The following PRKG1 variants were observed in gnomAD, a reference collection of about 807,000 sequenced individuals.
PRKG1 encodes cGMP-dependent protein kinase 1.
In PRKG1, 35 loss-of-function variants were observed where a neutral mutation model predicts 88.1. That is an observed-to-expected ratio of 0.40 (90% CI 0.30 to 0.53). The LOEUF (loss-of-function observed/expected upper bound fraction) is 0.53. Ranked by LOEUF, PRKG1 falls within the 20% of genes least tolerant of loss-of-function variation. The pLI, the probability that PRKG1 is intolerant of heterozygous loss-of-function variation, is 0.59. For missense variants in PRKG1, 540 were observed against 839.8 expected (o/e 0.64, Z 4.41); for synonymous variants, 303 against 292.5 (o/e 1.04, Z -0.37).
At chr10:52,106,755 A>AG (rs1211041339) in intron 7 of PRKG1, among the ~76,000 whole-genome samples, 19 of 148,236 alleles carry the variant, frequency 1.3e-4, no homozygotes, top group African/African-American at 4.7e-4. Context: ...AATAAAGTAA[A>AG]TAAATAAAAA....
At chr10:51,316,032 A>C (rs980060226) in intron 2 of PRKG1, among the ~76,000 whole-genome samples, 13 of 152,238 alleles carry the variant, frequency 8.5e-5, no homozygotes, top group Non-Finnish European at 1.8e-4. Context: ...CAATGAAAAT[A>C]CTAACCAGTA....
rs548922805 is a variant in PRKG1 at position 52,114,753 on chromosome 10, C to T, written c.936-19087C>T. Among the ~76,000 whole-genome samples the T allele has an allele frequency of 2.3e-4, 35 of 152,184 alleles. No homozygotes were observed. In the South Asian group the frequency reaches 6.8e-3, roughly 30 times the overall value. The stretch of plus-strand genomic sequence containing the variant: ...ATAAACTTAAAGTAACAATTTATGG[C>T]TCTTGCTACCTGCCTTCTCAGTGCT... On this transcript the variant is annotated intron_variant, in intron 7 of 17. Coordinates refer to ENST00000373980, the MANE Select transcript of PRKG1 (RefSeq NM_006258.4).
intron 3 of PRKG1, among the ~76,000 whole-genome samples, chr10:51,534,666 C>CAAAAAAAA (rs10626534): frequency 1.7e-5 from 2 of 120,804 alleles, no homozygotes; most frequent in Non-Finnish European, 1.7e-5. Flanking sequence ...GACTCTGTCT[C>CAAAAAAAA]AAAAAAAAAA....
At chr10:51,606,420 A>C (rs10998465) in intron 3 of PRKG1, among the ~76,000 whole-genome samples, 7 of 152,138 alleles carry the variant, frequency 4.6e-5, no homozygotes. Flanking sequence ...TTGCTATAGA[A>C]ATAAATGAGA....
chr10:51,311,888 G>A (rs1841195462), intron 2 of PRKG1, among the ~76,000 whole-genome samples: 2 of 151,876 alleles, frequency 1.3e-5, no homozygotes, highest in African/African-American at 2.4e-5. Context: ...TTTTTTCGTG[G>A]GGGATGGTGT....
intron 2 of PRKG1, among the ~76,000 whole-genome samples, chr10:51,427,658 G>A (rs141097959): frequency 7.7e-4 from 117 of 152,270 alleles, no homozygotes; most frequent in Middle Eastern, 3.4e-3. Context: ...CATCCTTTTA[G>A]GTGCTTACTA....
rs534812926 is a variant in PRKG1 at position 52,106,405 on chromosome 10, G to A, written c.936-27435G>A. Among the ~76,000 whole-genome samples, 34 of 152,158 alleles carry A rather than the reference G, an allele frequency of 2.2e-4. 1 individual carries two copies. The highest frequency in any genetic ancestry group is 6.5e-4 in the Admixed American group (10 of 15,282). On this transcript the variant is annotated intron_variant, in intron 7 of 17. Coordinates refer to ENST00000373980, the MANE Select transcript of PRKG1 (RefSeq NM_006258.4). ...ATATTTGCAAAATCTGTATTTTTACGTACTACCTCTGGCAACCTTTTCCTC... is the reference window on the plus strand; with the variant it reads ...ATATTTGCAAAATCTGTATTTTTACATACTACCTCTGGCAACCTTTTCCTC...
intron 7 of PRKG1, among the ~76,000 whole-genome samples, chr10:52,080,297 G>A (rs1846739080): frequency 6.6e-6 from 1 of 152,018 alleles, no homozygotes; most frequent in Admixed American, 6.6e-5. Context: ...ACTTCTCCAT[G>A]ATGTTTTTTT....
At chr10:51,833,716 T>C (rs1840059991) in intron 4 of PRKG1, among the ~76,000 whole-genome samples, 1 of 152,158 alleles carries the variant, frequency 6.6e-6, no homozygotes, top group Admixed American at 6.6e-5. Flanking sequence ...AAAAATTAAC[T>C]CTTTTAGGTA....
chr10:52,137,116 A>G (rs1469253780), intron 8 of PRKG1, among the ~76,000 whole-genome samples: 4 of 152,106 alleles, frequency 2.6e-5, no homozygotes, highest in Admixed American at 6.6e-5. Flanking sequence ...CACTGTCAAC[A>G]AAAGTAGCTT....
intron 3 of PRKG1, among the ~76,000 whole-genome samples, chr10:51,541,654 A>G (rs1445499063): frequency 6.6e-6 from 1 of 152,158 alleles, no homozygotes; most frequent in African/African-American, 2.4e-5. Flanking sequence ...ATTGCTCAAT[A>G]TTACTTATAT....
At chr10:52,195,089 A>G (rs1398014511) in intron 9 of PRKG1, among the ~76,000 whole-genome samples, 1 of 152,212 alleles carries the variant, frequency 6.6e-6, no homozygotes, top group Non-Finnish European at 1.5e-5. Context: ...AGAAAGAAAT[A>G]GATCACATCA....
At chr10:51,723,518 T>C (rs1444310426) in intron 3 of PRKG1, among the ~76,000 whole-genome samples, 1 of 152,078 alleles carries the variant, frequency 6.6e-6, no homozygotes, top group Non-Finnish European at 1.5e-5. Flanking sequence ...AAATGCCTAA[T>C]ATAGATGAAA....
intron 1 of PRKG1, among the ~76,000 whole-genome samples, chr10:51,129,295 A>G (rs1845506585): frequency 6.6e-6 from 1 of 152,002 alleles, no homozygotes; most frequent in Non-Finnish European, 1.5e-5. Context: ...GGCCAACATG[A>G]CAAAGCCCCA....
chr10:52,232,526 T>G (rs747194363), intron 9 of PRKG1, among the ~76,000 whole-genome samples: 10 of 152,172 alleles, frequency 6.6e-5, no homozygotes, highest in Non-Finnish European at 1.2e-4. Flanking sequence ...CAGAATATCC[T>G]TTATAGTTCA....
chr10:51,836,103 C>A (rs1840124330), intron 4 of PRKG1, among the ~76,000 whole-genome samples: 1 of 152,028 alleles, frequency 6.6e-6, no homozygotes, highest in South Asian at 2.1e-4. Context: ...AATCTGGAAG[C>A]CTCACACTAC....
chr10:52,243,920 A>G lies in PRKG1; in HGVS notation c.1077-7650A>G, dbSNP rs1840933113. 2.6e-5 allele frequency among the ~76,000 whole-genome samples: 4 copies of G among 152,160 alleles called. No individual in the cohort carries two copies. In the South Asian group the frequency reaches 8.3e-4, roughly 31 times the overall value. On this transcript the variant is annotated intron_variant, in intron 9 of 17. Transcript: ENST00000373980. Reference sequence around the variant, plus strand: ...GAAAAATAAGTGGAACTATTTCATGACTAGAGTGCTCAAAGAAAAGTCTAT... The same window carrying G: ...GAAAAATAAGTGGAACTATTTCATGGCTAGAGTGCTCAAAGAAAAGTCTAT...
rs138852766 is a variant in PRKG1, at chr10:51,966,702, T to C, written c.762+59132T>C. ...AATTCTATAGGGCTCTCTTCACCTATTTGTGCAAAAGAGTCACCTATGCCA... is the reference window on the plus strand; with the variant it reads ...AATTCTATAGGGCTCTCTTCACCTACTTGTGCAAAAGAGTCACCTATGCCA... On this transcript the variant is annotated intron_variant, in intron 5 of 17. Coordinates refer to ENST00000373980, the MANE Select transcript of PRKG1 (RefSeq NM_006258.4). Among the ~76,000 whole-genome samples the C allele has an allele frequency of 5.5e-3, 844 of 152,260 alleles. 10 individuals carry two copies. The highest frequency in any genetic ancestry group is 0.019 in the African/African-American group (790 of 41,552).
chr10:51,916,904 A>T (rs1467543640), intron 5 of PRKG1, among the ~76,000 whole-genome samples: 1 of 152,222 alleles, frequency 6.6e-6, no homozygotes, highest in Non-Finnish European at 1.5e-5. Flanking sequence ...TTTGTTAAGT[A>T]AATAAAAGTA....
Sources: allele counts gnomAD v4.1 joint callset (sites outside exome capture counted in the v4.1 genomes callset), GRCh38; gene constraint gnomAD v4.1.1; transcripts MANE v1.5; gene names NCBI Gene and HGNC (gene_info 2026-07-23, HGNC 2026-07-21).